The following FAM13A variants were observed in gnomAD, a reference collection of about 807,000 sequenced individuals.
FAM13A encodes protein FAM13A.
FAM13A carries 76 observed loss-of-function variants against 129.6 expected under a neutral mutation model. The ratio of observed to expected loss-of-function variants is 0.59; its 90% CI spans 0.49 to 0.71. The LOEUF is 0.71. Among genes scored for constraint, FAM13A ranks in the 30% least tolerant of loss-of-function variants. FAM13A has a pLI of 0.00. For missense variants in FAM13A, 1,108 were observed against 1,249.3 expected (o/e 0.89, Z 1.70); for synonymous variants, 443 against 449.9 (o/e 0.98, Z 0.20).
At chr4:88,996,132 G>A (rs1158315078) in intron 3 of FAM13A, among the ~76,000 whole-genome samples, 1 of 152,208 alleles carries the variant, frequency 6.6e-6, no homozygotes, top group Non-Finnish European at 1.5e-5. Flanking sequence ...GGTGGGGTGA[G>A]TAGCAGGAGA....
chr4:89,004,284 G>A (rs1293295877), intron 3 of FAM13A, among the ~76,000 whole-genome samples: 7 of 152,020 alleles, frequency 4.6e-5, no homozygotes, highest in South Asian at 2.1e-4. Context: ...GATTACAGGC[G>A]TGCACCACCA....
rs1041111991 is a variant in FAM13A, at chr4:88,737,888, C to T, written c.2563-333G>A. On this transcript the variant is annotated intron_variant, in intron 20 of 23. Coordinates refer to ENST00000264344, the MANE Select transcript of FAM13A (RefSeq NM_014883.4). ...ATCACAGTTAACCACAAGAACACTT[C>T]GGCTGTAGTCAGCTAAGGAGAATCA... Among the ~76,000 whole-genome samples the T allele has an allele frequency of 3.9e-5, 6 of 152,176 alleles. No individual in the cohort carries two copies. In the East Asian group the frequency reaches 7.7e-4, roughly 20 times the overall value.
At chr4:88,783,221 T>C (rs1174760733) in intron 10 of FAM13A, among the ~76,000 whole-genome samples, 2 of 152,198 alleles carry the variant, frequency 1.3e-5, no homozygotes, top group Non-Finnish European at 2.9e-5. Flanking sequence ...ACTAGGTCTT[T>C]TGCAAACTAT....
chr4:88,861,058 T>C (rs77726365), intron 6 of FAM13A, among the ~76,000 whole-genome samples: 2,017 of 152,292 alleles, frequency 0.013, 43 homozygotes, highest in African/African-American at 0.047. Context: ...GTCCCTTAAC[T>C]TCTCTGAGGC....
intron 5 of FAM13A, among the ~76,000 whole-genome samples, chr4:88,916,571 AT>A (rs1750156605): frequency 6.6e-6 from 1 of 152,134 alleles, no homozygotes; most frequent in South Asian, 2.1e-4. Flanking sequence ...TCTACTTTTT[AT>A]TTATTTGCAC....
chr4:88,949,605 T>C (rs1458441897), intron 4 of FAM13A, among the ~76,000 whole-genome samples: 3 of 152,212 alleles, frequency 2.0e-5, no homozygotes, highest in East Asian at 1.9e-4. Context: ...AAATTCAGTA[T>C]AAACAAAAAG....
intron 1 of FAM13A, among the ~76,000 whole-genome samples, chr4:89,049,309 G>A (rs561279400): frequency 1.3e-5 from 2 of 152,036 alleles, no homozygotes; most frequent in South Asian, 4.2e-4. Context: ...TGACCTTAAT[G>A]CAGTAGGAGA....
intron 19 of FAM13A, among the ~76,000 whole-genome samples, chr4:88,742,098 A>T (rs886392037): frequency 2.6e-5 from 4 of 152,214 alleles, no homozygotes; most frequent in Non-Finnish European, 4.4e-5. Context: ...CCAAAGACAT[A>T]CTAAAAGTAG....
chr4:88,847,952 C>CAA (rs1554004314), intron 7 of FAM13A, among the ~76,000 whole-genome samples: 1 of 137,022 alleles, frequency 7.3e-6, no homozygotes, highest in Non-Finnish European at 1.6e-5. Flanking sequence ...GACTCTGTCC[C>CAA]AAAAAAAAAA....
intron 9 of FAM13A, among the ~76,000 whole-genome samples, 180 bp from the exon 10 acceptor site, chr4:88,788,112 CA>C (rs970148052): frequency 1.3e-4 from 20 of 152,190 alleles, no homozygotes; most frequent in African/African-American, 4.6e-4. Flanking sequence ...GTGTTAAAAC[CA>C]AAACTAAACG....
At chr4:88,774,117 T>C (rs543442931) in intron 11 of FAM13A, among the ~76,000 whole-genome samples, 1 of 152,184 alleles carries the variant, frequency 6.6e-6, no homozygotes, top group Non-Finnish European at 1.5e-5. Context: ...CTGGATTTTC[T>C]GTCTCCAGAT....
chr4:88,861,130 G>A (rs1739418621), intron 6 of FAM13A, among the ~76,000 whole-genome samples: 1 of 151,848 alleles, frequency 6.6e-6, no homozygotes, highest in Non-Finnish European at 1.5e-5. Context: ...AAAATTAAAT[G>A]ACATCTTTGG....
At chr4:88,737,356 G>C (rs1046075244) in intron 21 of FAM13A, 116 bp downstream of exon 21, 1 of 829,786 alleles carries the variant, frequency 1.2e-6, no homozygotes, top group Non-Finnish European at 2.1e-6. Flanking sequence ...AGGGAATGCT[G>C]TAAGAAGCCA....
intron 8 of FAM13A, among the ~76,000 whole-genome samples, chr4:88,804,354 T>A (rs75581102): frequency 0.041 from 6,169 of 152,256 alleles, 197 homozygotes; most frequent in Non-Finnish European, 0.061. Flanking sequence ...TATATACTTT[T>A]CAAATATATT....
intron 8 of FAM13A, among the ~76,000 whole-genome samples, chr4:88,803,946 A>C (rs550439486): frequency 6.6e-6 from 1 of 152,272 alleles, no homozygotes; most frequent in South Asian, 2.1e-4. Flanking sequence ...GCATCCCCTG[A>C]CATTTCTTTT....
Position 88,833,900 on chromosome 4 carries a change from A to G in FAM13A, c.1007+17120T>C, listed in dbSNP as rs1399415365. On this transcript the variant is annotated intron_variant, in intron 7 of 23. Transcript: ENST00000264344. ...GACTCCGTCTTAAAAAAAAAATCCAATTTATTTAATTTATTAATTTAATTT... is the reference window on the plus strand; with the variant it reads ...GACTCCGTCTTAAAAAAAAAATCCAGTTTATTTAATTTATTAATTTAATTT... Among the ~76,000 whole-genome samples, 4 of 151,738 alleles carry G rather than the reference A, an allele frequency of 2.6e-5. No homozygotes were observed. The South Asian group carries it at 8.3e-4, about 31-fold the overall frequency.
At chr4:88,984,276 G>T (rs1761975231) in intron 4 of FAM13A, among the ~76,000 whole-genome samples, 1 of 151,892 alleles carries the variant, frequency 6.6e-6, no homozygotes, top group African/African-American at 2.4e-5. Context: ...AGTGACAAAA[G>T]AAAAAACAGA....
At chr4:88,987,510 C>T (rs7697921) in intron 4 of FAM13A, among the ~76,000 whole-genome samples, 1 of 151,958 alleles carries the variant, frequency 6.6e-6, no homozygotes, top group Non-Finnish European at 1.5e-5. Flanking sequence ...GGCTTCTAAT[C>T]GGATGCAACA....
At chr4:88,875,876 G>T (rs1742336984) in intron 6 of FAM13A, among the ~76,000 whole-genome samples, 1 of 152,168 alleles carries the variant, frequency 6.6e-6, no homozygotes, top group Non-Finnish European at 1.5e-5. Flanking sequence ...CAATAGCAAA[G>T]ACTTGAAACC....
Sources: gnomAD v4.1 joint callset for allele counts (sites outside exome capture counted in the v4.1 genomes callset) on GRCh38, gnomAD v4.1.1 for gene constraint, MANE v1.5 for transcripts, NCBI Gene and HGNC (gene_info 2026-07-23, HGNC 2026-07-21) for gene names.